IMMP2L: variants seen among roughly 807,000 people sequenced by gnomAD.
IMMP2L encodes inner mitochondrial membrane peptidase subunit 2, also known as mitochondrial inner membrane protease subunit 2.
Under a neutral mutation model 19.3 loss-of-function variants are expected in IMMP2L, and 18 were observed. The observed-to-expected ratio is 0.93, with a 90% CI of 0.64 to 1.38. The LOEUF (loss-of-function observed/expected upper bound fraction) is 1.38, where lower values mean the gene tolerates loss of function less well. IMMP2L is among the 40% of genes most tolerant of loss of function. The probability of loss-of-function intolerance (pLI) is 0.00; values close to 1 mark genes in which losing one functional copy is unlikely to be tolerated. For missense variants in IMMP2L, 233 were observed against 218.2 expected, an observed-to-expected ratio of 1.07 and a Z score of -0.43; for synonymous variants, 76 against 73.0, an observed-to-expected ratio of 1.04 and a Z score of -0.21.
intron 5 of IMMP2L, among the ~76,000 whole-genome samples, chr7:110,845,628 C>G (rs530216938): frequency 6.6e-6 from 1 of 152,224 alleles, no homozygotes; most frequent in African/African-American, 2.4e-5. Context: ...CATAGGTACT[C>G]TTTATTATAA....
intron 3 of IMMP2L, among the ~76,000 whole-genome samples, chr7:111,353,727 A>G (rs542639170): frequency 1.3e-5 from 2 of 152,290 alleles, no homozygotes; most frequent in South Asian, 4.1e-4. Flanking sequence ...ACATATATAC[A>G]TAAATATACA....
chr7:111,535,159 T>A (rs1847768445), intron 1 of IMMP2L, among the ~76,000 whole-genome samples: 1 of 152,124 alleles, frequency 6.6e-6, no homozygotes, highest in African/African-American at 2.4e-5. Flanking sequence ...AATTTTATGG[T>A]TTAATTTTGC....
chr7:110,941,795 A>G (rs913969943), intron 4 of IMMP2L, among the ~76,000 whole-genome samples: 2 of 152,176 alleles, frequency 1.3e-5, no homozygotes, highest in Admixed American at 1.3e-4. Context: ...CATGAACTCA[A>G]TTCAATAACT....
chr7:111,182,794 C>A (rs58278550), intron 3 of IMMP2L, among the ~76,000 whole-genome samples: 1 of 151,758 alleles, frequency 6.6e-6, no homozygotes, highest in Non-Finnish European at 1.5e-5. Context: ...AGCAGAGACA[C>A]GCAAAAGAAA....
intron 3 of IMMP2L, among the ~76,000 whole-genome samples, chr7:111,163,264 C>T (rs372925111): frequency 4.6e-5 from 7 of 152,006 alleles, no homozygotes; most frequent in African/African-American, 1.2e-4. Flanking sequence ...TCTGGAGAGG[C>T]GTCAATTAAC....
intron 3 of IMMP2L, among the ~76,000 whole-genome samples, chr7:111,193,794 G>T (rs918624425): frequency 6.6e-6 from 1 of 152,008 alleles, no homozygotes. Context: ...TATTTTTAGC[G>T]ATATAATTTA....
At chr7:111,434,536 T>G (rs1352821985) in intron 3 of IMMP2L, among the ~76,000 whole-genome samples, 2 of 151,594 alleles carry the variant, frequency 1.3e-5, no homozygotes, top group Non-Finnish European at 2.9e-5. Flanking sequence ...GTCTTGTTTG[T>G]TTTTTGTTTT....
chr7:111,314,503 G>T (rs1823845770), intron 3 of IMMP2L, among the ~76,000 whole-genome samples: 1 of 152,092 alleles, frequency 6.6e-6, no homozygotes, highest in African/African-American at 2.4e-5. Flanking sequence ...AAAGATAATT[G>T]CCAGAGGAAT....
chr7:110,956,427 GTT>G (rs1359821550), intron 4 of IMMP2L, among the ~76,000 whole-genome samples: 1 of 151,936 alleles, frequency 6.6e-6, no homozygotes, highest in Non-Finnish European at 1.5e-5. Context: ...AAGTGATTCT[GTT>G]TTCTCTGAAT....
chr7:110,750,704 A>C (rs1268419084), intron 5 of IMMP2L, among the ~76,000 whole-genome samples: 3 of 152,020 alleles, frequency 2.0e-5, no homozygotes, highest in Non-Finnish European at 4.4e-5. Flanking sequence ...TAGGTTGCTG[A>C]GATTACTGTT....
At chr7:111,101,446 A>G (rs1797965041) in intron 3 of IMMP2L, among the ~76,000 whole-genome samples, 1 of 151,536 alleles carries the variant, frequency 6.6e-6, no homozygotes, top group African/African-American at 2.4e-5. Flanking sequence ...ACACCTAAGA[A>G]TCCATACTTA....
chr7:111,060,173 T>A (rs1234737609), intron 3 of IMMP2L, among the ~76,000 whole-genome samples: 1 of 152,196 alleles, frequency 6.6e-6, no homozygotes, highest in Non-Finnish European at 1.5e-5. Context: ...TCAAGATGGG[T>A]ATGACCTTTT....
At chr7:111,125,020 G>A (rs765377354) in intron 3 of IMMP2L, 11 of 751,720 alleles carry the variant, frequency 1.5e-5, no homozygotes, top group South Asian at 2.1e-5. Flanking sequence ...GATTACTTTC[G>A]AGAGAGAAGT....
chr7:111,013,760 G>A (rs1445027485), intron 3 of IMMP2L, among the ~76,000 whole-genome samples: 1 of 151,884 alleles, frequency 6.6e-6, no homozygotes, highest in African/African-American at 2.4e-5. Context: ...TCTTAATTAT[G>A]TATATCTTTT....
At chr7:111,501,169 G>A (rs1466374487) in intron 2 of IMMP2L, among the ~76,000 whole-genome samples, 1 of 152,146 alleles carries the variant, frequency 6.6e-6, no homozygotes. Flanking sequence ...AGAACTACGT[G>A]AAGAATGCAG....
At chr7:111,450,552 A>C (rs1563207713) in intron 3 of IMMP2L, among the ~76,000 whole-genome samples, 1 of 150,142 alleles carries the variant, frequency 6.7e-6, no homozygotes, top group Non-Finnish European at 1.5e-5. Flanking sequence ...TTATACAAAA[A>C]TCAATTCAAG....
At chr7:111,080,773 C>T (rs534761323) in intron 3 of IMMP2L, among the ~76,000 whole-genome samples, 5 of 152,228 alleles carry the variant, frequency 3.3e-5, no homozygotes, top group African/African-American at 1.2e-4. Flanking sequence ...ATACGCTAGG[C>T]ATTGTGCTGA....
intron 5 of IMMP2L, among the ~76,000 whole-genome samples, chr7:110,879,396 A>C (rs908715124): frequency 6.6e-6 from 1 of 151,864 alleles, no homozygotes; most frequent in African/African-American, 2.4e-5. Context: ...TCAAAAAAAA[A>C]AAAGGAAGTA....
intron 5 of IMMP2L, among the ~76,000 whole-genome samples, chr7:110,701,120 A>C (rs1355205125): frequency 1.3e-5 from 2 of 152,230 alleles, no homozygotes; most frequent in Non-Finnish European, 2.9e-5. Flanking sequence ...GGCGATCTTG[A>C]ATAGGCCATT....
Sources: gnomAD v4.1 joint callset for allele counts (sites outside exome capture counted in the v4.1 genomes callset) on GRCh38, gnomAD v4.1.1 for gene constraint, MANE v1.5 for transcripts, NCBI Gene and HGNC (gene_info 2026-07-23, HGNC 2026-07-21) for gene names.